The following PACS1 variants were observed in gnomAD, a reference collection of about 807,000 sequenced individuals.
PACS1 encodes the protein PACS-1.
In PACS1, 24 loss-of-function variants were observed where a neutral mutation model predicts 115.0. The observed-to-expected ratio is 0.21, with a 90% CI of 0.15 to 0.29. The LOEUF is 0.29. PACS1 is among the 10% of genes least tolerant of loss of function. The probability of loss-of-function intolerance (pLI) is 1.00; values close to 1 mark genes in which losing one functional copy is unlikely to be tolerated. For synonymous variants in PACS1, 453 were observed against 504.5 expected (o/e 0.90, Z 1.37); for missense variants, 838 against 1,251.2 (o/e 0.67, Z 4.98).
chr11:66,075,136 C>T (rs1488773054), intron 1 of PACS1, among the ~76,000 whole-genome samples: 2 of 151,666 alleles, frequency 1.3e-5, no homozygotes, highest in Non-Finnish European at 1.5e-5. Context: ...GTACAGATGG[C>T]GTTTCACTGT....
chr11:66,128,872 G>A (rs115722851), intron 1 of PACS1, among the ~76,000 whole-genome samples: 2,988 of 146,604 alleles, frequency 0.02, 123 homozygotes, highest in African/African-American at 0.074. Context: ...CAACAGAGCC[G>A]GACTCCATCT....
intron 17 of PACS1, among the ~76,000 whole-genome samples, chr11:66,234,533 T>C (rs924267931): frequency 2.6e-5 from 4 of 152,168 alleles, no homozygotes; most frequent in Admixed American, 2.6e-4. Flanking sequence ...AGAGATGAAA[T>C]ACAAGGAGCA....
At chr11:66,187,118 G>A (rs1443355630) in intron 1 of PACS1, among the ~76,000 whole-genome samples, 2 of 152,282 alleles carry the variant, frequency 1.3e-5, no homozygotes, top group Admixed American at 6.5e-5. Context: ...TTCTGTTGGT[G>A]GGTGTGTTGT....
intron 1 of PACS1, among the ~76,000 whole-genome samples, chr11:66,079,031 C>T (rs2134498071): frequency 6.6e-6 from 1 of 152,324 alleles, no homozygotes. Flanking sequence ...CCTCAGCCTC[C>T]CAAGTAGCTG....
chr11:66,141,394 C>T (rs1006337341), intron 1 of PACS1, among the ~76,000 whole-genome samples: 1 of 152,078 alleles, frequency 6.6e-6, no homozygotes, highest in Non-Finnish European at 1.5e-5. Flanking sequence ...TTGCTTACCC[C>T]TGTAATCCCA....
chr11:66,235,965 G>A lies in PACS1; in HGVS notation c.2250+25G>A. Reference sequence around the variant, plus strand: ...CGTGAGTACTGACTCCCTCTGCTTGGCACCCCACCCGTTCTCCTGGTCTTC... The same window carrying A: ...CGTGAGTACTGACTCCCTCTGCTTGACACCCCACCCGTTCTCCTGGTCTTC... On this transcript the variant is annotated intron_variant, in intron 19 of 23. Transcript: ENST00000320580. The surrounding 1 kb of genome is among the most constrained non-coding windows in gnomAD (Gnocchi z 5.6). 1 of 1,606,692 alleles carries A rather than the reference G, an allele frequency of 6.2e-7. No individual in the cohort carries two copies.
At chr11:66,216,345 T>C in intron 5 of PACS1, 82 bp downstream of exon 5, 2 of 1,563,342 alleles carry the variant, frequency 1.3e-6, no homozygotes, top group Non-Finnish European at 1.7e-6. Flanking sequence ...CCTGAGATGT[T>C]CCTGGGCAAG....
chr11:66,172,784 T>G (rs554191836), intron 1 of PACS1, among the ~76,000 whole-genome samples: 2 of 152,194 alleles, frequency 1.3e-5, no homozygotes, highest in East Asian at 3.9e-4. Context: ...GAGACCATCC[T>G]GGCCAACATG....
At chr11:66,084,416 T>G (rs1485784430) in intron 1 of PACS1, among the ~76,000 whole-genome samples, 1 of 152,172 alleles carries the variant, frequency 6.6e-6, no homozygotes, top group Non-Finnish European at 1.5e-5. Context: ...GGCTTTGATC[T>G]TGAGTGAGAT....
intron 1 of PACS1, among the ~76,000 whole-genome samples, chr11:66,107,595 G>T (rs1484092221): frequency 2.6e-5 from 4 of 152,116 alleles, no homozygotes; most frequent in Non-Finnish European, 5.9e-5. Flanking sequence ...TGAATGAAAT[G>T]GCTGGGACAC....
Position 66,070,878 on chromosome 11 carries a change from G to A in PACS1, c.356+36G>A. On this transcript the variant is annotated intron_variant, in intron 1 of 23. Transcript: ENST00000320580. The surrounding 1 kb of genome is among the most constrained non-coding windows in gnomAD (Gnocchi z 5.9). ...GAGGGTGCGGCGGGGCGCCGGGGGA[G>A]CGGGGTGGCCGCCGGGGCCCAGCCC... is the stretch of plus-strand genomic sequence containing the variant. 1.4e-6 allele frequency: 2 copies of A among 1,408,438 alleles called. No individual in the cohort carries two copies. The highest frequency in any genetic ancestry group is 1.8e-6 in the Non-Finnish European group (2 of 1,091,520). 87.2% of individuals were successfully genotyped at this position (1,408,438 alleles called of 1,614,324 possible). A position where few individuals can be genotyped will look rare whatever the true frequency, so the allele number is the denominator to read the frequency against.
At chr11:66,241,119 C>T (rs572394971) in intron 21 of PACS1, 27 of 326,270 alleles carry the variant, frequency 8.3e-5, no homozygotes, top group African/African-American at 3.1e-4. Flanking sequence ...TGTGTGTGCA[C>T]GCATGCACTT....
At chr11:66,193,891 CT>C (rs1034755143) in intron 2 of PACS1, among the ~76,000 whole-genome samples, 1 of 152,194 alleles carries the variant, frequency 6.6e-6, no homozygotes, top group Non-Finnish European at 1.5e-5. Flanking sequence ...GGCTGGCTAG[CT>C]TTGGTTTCAG....
intron 1 of PACS1, 127 bp from the exon 2 acceptor site, chr11:66,193,359 C>A: frequency 1.6e-6 from 1 of 618,020 alleles, no homozygotes; most frequent in South Asian, 1.8e-5. Context: ...AGAGAGGGGA[C>A]CCCTGGGACT....
intron 1 of PACS1, among the ~76,000 whole-genome samples, chr11:66,088,464 C>T (rs1857608227): frequency 6.6e-6 from 1 of 152,130 alleles, no homozygotes; most frequent in South Asian, 2.1e-4. Flanking sequence ...ACACATTTCC[C>T]CTGATACGGA....
intron 1 of PACS1, among the ~76,000 whole-genome samples, chr11:66,140,526 T>C (rs1327769216): frequency 1.3e-5 from 2 of 152,138 alleles, no homozygotes; most frequent in African/African-American, 4.8e-5. Context: ...GGATGCCCAC[T>C]GGGTAGAACA....
intron 10 of PACS1, among the ~76,000 whole-genome samples, chr11:66,226,187 A>G (rs1381736579): frequency 6.6e-6 from 1 of 152,182 alleles, no homozygotes; most frequent in Non-Finnish European, 1.5e-5. Flanking sequence ...AACAACAGCA[A>G]CAACAACATT....
rs1393736601 is a variant in PACS1 at position 66,244,104 on chromosome 11, C to T, written c.*824C>T. 1 of 152,402 alleles carries T rather than the reference C, an allele frequency of 6.6e-6. No homozygotes were observed. Among genetic ancestry groups the T allele is most frequent in the East Asian group, 1.9e-4 (1 of 5,194 alleles). 9.4% of individuals were successfully genotyped at this position (152,402 alleles called of 1,614,324 possible). A position where few individuals can be genotyped will look rare whatever the true frequency, so the allele number is the denominator to read the frequency against. On this transcript the variant is annotated 3_prime_UTR_variant, in exon 24 of 24. Coordinates refer to ENST00000320580, the MANE Select transcript of PACS1 (RefSeq NM_018026.4). ...CTGGTCGCTGTCTTCGTGGCTTCCACCCTTGTTAATGATGCTCCTGCCTCT... is the reference window on the plus strand; with the variant it reads ...CTGGTCGCTGTCTTCGTGGCTTCCATCCTTGTTAATGATGCTCCTGCCTCT...
intron 14 of PACS1, 61 bp downstream of exon 14, chr11:66,232,337 T>C (rs946156194): frequency 9.4e-6 from 9 of 959,114 alleles, no homozygotes; most frequent in African/African-American, 3.2e-5. Context: ...CCCGGTTGCA[T>C]TGTCAGTGTG....
Sources: gnomAD v4.1 joint callset for allele counts (sites outside exome capture counted in the v4.1 genomes callset) on GRCh38, gnomAD v4.1.1 for gene constraint, Gnocchi (gnomAD v3.1) non-coding constraint, MANE v1.5 for transcripts, NCBI Gene and HGNC (gene_info 2026-07-23, HGNC 2026-07-21) for gene names.